The following CNTNAP2 variants were observed in gnomAD, a reference collection of about 807,000 sequenced individuals.
CNTNAP2 encodes contactin associated protein 2.
CNTNAP2 carries 98 observed loss-of-function variants against 155.2 expected under a neutral mutation model. That is an observed-to-expected ratio of 0.63 (90% CI 0.54 to 0.75). CNTNAP2 has a LOEUF of 0.75. Among genes scored for constraint, CNTNAP2 ranks in the 30% least tolerant of loss-of-function variants. The pLI, the probability that CNTNAP2 is intolerant of heterozygous loss-of-function variation, is 0.00. For synonymous variants in CNTNAP2, 651 were observed against 631.2 expected (o/e 1.03, Z -0.47); for missense variants, 1,727 against 1,688.1 (o/e 1.02, Z -0.40).
chr7:146,638,324 AG>A (rs538502652), intron 1 of CNTNAP2, among the ~76,000 whole-genome samples: 43 of 152,076 alleles, frequency 2.8e-4, no homozygotes, highest in Non-Finnish European at 5.3e-4. Context: ...TGTTGGACAA[AG>A]TAGGCGGGAT....
chr7:147,702,643 C>T (rs1277171437), intron 13 of CNTNAP2, among the ~76,000 whole-genome samples: 1 of 151,812 alleles, frequency 6.6e-6, no homozygotes, highest in Non-Finnish European at 1.5e-5. Context: ...AGAAGCAGAA[C>T]TTCCGGAGGC....
chr7:148,148,420 T>C (rs906634573), intron 17 of CNTNAP2, among the ~76,000 whole-genome samples: 1 of 152,210 alleles, frequency 6.6e-6, no homozygotes, highest in Non-Finnish European at 1.5e-5. Context: ...TTTGAGAATA[T>C]TCATATGTTA....
intron 21 of CNTNAP2, among the ~76,000 whole-genome samples, chr7:148,308,934 C>T (rs773673002): frequency 1.7e-3 from 254 of 152,260 alleles, no homozygotes; most frequent in Non-Finnish European, 3.0e-3. Context: ...GCATAGTGTT[C>T]CATGGTGTAT....
intron 21 of CNTNAP2, among the ~76,000 whole-genome samples, chr7:148,276,154 C>T (rs1796867330): frequency 6.6e-6 from 1 of 152,136 alleles, no homozygotes; most frequent in African/African-American, 2.4e-5. Flanking sequence ...GCAGTGCCCA[C>T]TTTTACTCTA....
intron 13 of CNTNAP2, among the ~76,000 whole-genome samples, chr7:147,866,315 T>A (rs1799225882): frequency 6.6e-6 from 1 of 152,194 alleles, no homozygotes; most frequent in South Asian, 2.1e-4. Flanking sequence ...CTTTTCTATT[T>A]GCTGAGGAGT....
At chr7:146,986,669 A>AT (rs901074906) in intron 3 of CNTNAP2, among the ~76,000 whole-genome samples, 1 of 151,936 alleles carries the variant, frequency 6.6e-6, no homozygotes, top group Non-Finnish European at 1.5e-5. Flanking sequence ...AACATCTATG[A>AT]TTTTTTGATT....
intron 1 of CNTNAP2, among the ~76,000 whole-genome samples, chr7:146,511,072 T>C (rs576142342): frequency 5.9e-5 from 9 of 151,650 alleles, no homozygotes; most frequent in Non-Finnish European, 1.2e-4. Context: ...AATTTTTGTA[T>C]TTTTTTTAGT....
chr7:146,292,874 A>G (rs1428178037), intron 1 of CNTNAP2, among the ~76,000 whole-genome samples: 1 of 152,144 alleles, frequency 6.6e-6, no homozygotes, highest in Non-Finnish European at 1.5e-5. Context: ...AGACGCTGGG[A>G]GAGAGGGGAA....
intron 1 of CNTNAP2, among the ~76,000 whole-genome samples, chr7:146,393,082 G>A (rs1186010151): frequency 6.6e-6 from 1 of 152,080 alleles, no homozygotes; most frequent in Non-Finnish European, 1.5e-5. Context: ...AGTGCTTTTT[G>A]CGCTTCTATT....
chr7:147,234,294 C>CAGATTCCA (rs1803749799), intron 8 of CNTNAP2, among the ~76,000 whole-genome samples: 1 of 150,330 alleles, frequency 6.7e-6, no homozygotes, highest in East Asian at 2.0e-4. Flanking sequence ...TTCTAATCCT[C>CAGATTCCA]AGATTCCATT....
At chr7:148,262,278 A>G (rs1032571462) in intron 20 of CNTNAP2, among the ~76,000 whole-genome samples, 1 of 152,228 alleles carries the variant, frequency 6.6e-6, no homozygotes, top group Non-Finnish European at 1.5e-5. Flanking sequence ...TTGTTATTGA[A>G]GAAATTGCCG....
chr7:146,158,924 C>A (rs1282059753), intron 1 of CNTNAP2, among the ~76,000 whole-genome samples: 1 of 152,052 alleles, frequency 6.6e-6, no homozygotes, highest in South Asian at 2.1e-4. Flanking sequence ...AGAGCAACTC[C>A]AAGATACATA....
intron 8 of CNTNAP2, among the ~76,000 whole-genome samples, chr7:147,181,471 T>C (rs1442103735): frequency 3.3e-5 from 5 of 152,256 alleles, no homozygotes; most frequent in African/African-American, 1.2e-4. Context: ...TAAATGTTTA[T>C]ATACTTTTGA....
chr7:148,409,564 C>A, intron 23 of CNTNAP2, 93 bp downstream of exon 23: 1 of 1,060,546 alleles, frequency 9.4e-7, no homozygotes, highest in South Asian at 1.3e-5. Context: ...AAAAAGTTTT[C>A]TAGGTTTTTA....
intron 1 of CNTNAP2, among the ~76,000 whole-genome samples, chr7:146,759,669 C>T (rs1259777192): frequency 4.5e-5 from 5 of 110,214 alleles, no homozygotes; most frequent in Non-Finnish European, 8.4e-5. Flanking sequence ...CCTGGCAACA[C>T]AGTGAGACTG....
chr7:147,131,152 C>T (rs1363857486), intron 7 of CNTNAP2, among the ~76,000 whole-genome samples: 1 of 147,064 alleles, frequency 6.8e-6, no homozygotes, highest in Non-Finnish European at 1.5e-5. Flanking sequence ...ATACATGTAC[C>T]ATATACATAT....
intron 1 of CNTNAP2, among the ~76,000 whole-genome samples, chr7:146,603,597 A>C (rs558802614): frequency 1.3e-5 from 2 of 150,822 alleles, no homozygotes; most frequent in African/African-American, 4.8e-5. Context: ...GGAACCAAAA[A>C]AGAGCCCGCA....
intron 8 of CNTNAP2, among the ~76,000 whole-genome samples, chr7:147,238,717 T>C (rs1293552614): frequency 6.6e-6 from 1 of 152,216 alleles, no homozygotes; most frequent in East Asian, 1.9e-4. Flanking sequence ...TTTAGATGTA[T>C]TTCCAGTAAA....
chr7:146,554,467 A>T (rs1798167794), intron 1 of CNTNAP2, among the ~76,000 whole-genome samples: 4 of 152,124 alleles, frequency 2.6e-5, no homozygotes, highest in African/African-American at 2.4e-5. Context: ...TACTTTTTTT[A>T]AAAAATTATA....
Sources: allele counts gnomAD v4.1 joint callset (sites outside exome capture counted in the v4.1 genomes callset), GRCh38; gene constraint gnomAD v4.1.1; transcripts MANE v1.5; gene names NCBI Gene and HGNC (gene_info 2026-07-23, HGNC 2026-07-21).